The following PLEKHM1 variants were observed in gnomAD, a reference collection of about 807,000 sequenced individuals.
The protein encoded by PLEKHM1 is pleckstrin homology domain-containing family M member 1.
In PLEKHM1, 28 loss-of-function variants were observed where a neutral mutation model predicts 94.3. The observed-to-expected ratio is 0.30, with a 90% CI of 0.22 to 0.41. PLEKHM1 has a LOEUF of 0.41. Ranked by LOEUF, PLEKHM1 falls within the 10% of genes least tolerant of loss-of-function variation. The probability of loss-of-function intolerance (pLI) is 1.00; values close to 1 mark genes in which losing one functional copy is unlikely to be tolerated. For missense variants in PLEKHM1, 907 were observed against 1,358.6 expected (o/e 0.67, Z 5.22); for synonymous variants, 424 against 581.2 (o/e 0.73, Z 3.89).
chr17:45,475,273 G>T lies in PLEKHM1; in HGVS notation c.750C>A (p.Ser250=). The T allele has an allele frequency of 1.2e-6, 2 of 1,614,044 alleles. No homozygotes were observed. The highest frequency in any genetic ancestry group is 4.5e-5 in the East Asian group (2 of 44,886). ...KIRRNQKLTA[S]SLSLDTASSS... ...AACTGGCCGTGTCCAGGCTGAGGGA[G>T]GAGGCAGTCAGCTTCTGGTTCCTCC... Residue 250 remains serine (S), a synonymous_variant, in exon 4 of 12, where the codon TCC becomes TCA. Transcript: ENST00000430334.
chr17:45,478,259 T>G, intron 2 of PLEKHM1, 112 bp from the exon 3 acceptor site: 1 of 1,223,792 alleles, frequency 8.2e-7, no homozygotes, highest in Non-Finnish European at 1.2e-6. Context: ...TGCACACACA[T>G]CTATGTGTGT....
rs781667364 is a variant in PLEKHM1 at position 45,475,531 on chromosome 17, G to A, written c.492C>T (p.Leu164=). The change falls in exon 4 of 12, where the codon CTC becomes CTT. Residue 164 remains leucine, a synonymous_variant. Coordinates refer to ENST00000430334, the MANE Select transcript of PLEKHM1 (RefSeq NM_014798.3). ...LLRDAEEGEF[L]LSFLQGLTSL... ...ACGTGAGGCCCTGCAGGAAGCTAAG[G>A]AGGAACTCGCCCTCCTCAGCATCCC... 5 of 1,611,672 alleles carry A rather than the reference G, an allele frequency of 3.1e-6. No homozygotes were observed. The highest frequency in any genetic ancestry group is 3.3e-5 in the Admixed American group (2 of 59,974).
In PLEKHM1 at chr17:45,444,427, C is replaced by T. The variant is rs2050538180; in HGVS notation, c.2837+1043G>A. ...CCTGTTGAAGCCCAGCATCACATCC[C>T]ATTCCTGAGCACCAAAGGCCCCAGG... On this transcript the variant is annotated intron_variant, in intron 9 of 11. Transcript: ENST00000430334. This position sits in a 1 kb window ranked among gnomAD's most constrained non-coding sequence, Gnocchi z 5.0. Among the ~76,000 whole-genome samples, 1 of 152,190 alleles carries T rather than the reference C, an allele frequency of 6.6e-6. No individual in the cohort carries two copies. Among genetic ancestry groups the T allele is most frequent in the African/African-American group, 2.4e-5 (1 of 41,436 alleles).
At position 45,477,971 on chromosome 17, in the gene PLEKHM1, C is replaced by T. The variant is rs761329959; in HGVS notation, c.225G>A (p.Arg75=). The part of the protein sequence containing the change: ...KHIRAEAGGK[R]KKSAHQKPLP... The stretch of plus-strand genomic sequence containing the variant: ...GAGGCTTCTGGTGGGCACTTTTCTT[C>T]CTTTTTCCTCCGGCCTCAGCTCGGA... Residue 75 remains arginine, a synonymous_variant, in exon 3 of 12, where the codon AGG becomes AGA. Coordinates refer to ENST00000430334, the MANE Select transcript of PLEKHM1 (RefSeq NM_014798.3). 17 of 1,613,858 alleles carry T rather than the reference C, an allele frequency of 1.1e-5. No individual in the cohort carries two copies. The highest frequency in any genetic ancestry group is 1.3e-5 in the African/African-American group (1 of 74,944).
At chr17:45,474,184 G>A (rs1186988642) in intron 4 of PLEKHM1, among the ~76,000 whole-genome samples, 1 of 151,638 alleles carries the variant, frequency 6.6e-6, no homozygotes, top group African/African-American at 2.4e-5. Context: ...AGCCGCCCAT[G>A]TAGCTGGGAC....
Position 45,490,678 on chromosome 17 carries a change from G to C in PLEKHM1, c.-68C>G, listed in dbSNP as rs577710613. 4,647 of 450,598 alleles carry C rather than the reference G, an allele frequency of 0.01. 34 individuals are homozygous for C. Among genetic ancestry groups the C allele is most frequent in the Non-Finnish European group, 0.014 (3,197 of 224,584 alleles). 27.9% of individuals were successfully genotyped at this position (450,598 alleles called of 1,614,324 possible). A position where few individuals can be genotyped will look rare whatever the true frequency, so the allele number is the denominator to read the frequency against. On this transcript the variant is annotated 5_prime_UTR_variant, in exon 1 of 12. Transcript: ENST00000430334. ...AAGCGGAGCGAGGAGCGAGGCGAGG[G>C]GCGCTCCCGGCCGCGGCAGCCCCTC...
At position 45,435,996 on chromosome 17, in the gene PLEKHM1, C is replaced by CT. The variant is rs1399730000; in HGVS notation, c.*1861dup. The CT allele has an allele frequency of 2.2e-6, 1 of 456,688 alleles. No individual in the cohort carries two copies. The highest frequency in any genetic ancestry group is 2.3e-5 in the Admixed American group (1 of 42,588). 28.3% of individuals were successfully genotyped at this position (456,688 alleles called of 1,614,324 possible). On this transcript the variant is annotated 3_prime_UTR_variant, in exon 12 of 12. Transcript: ENST00000430334. ...GCAAAGACTCCTCAGGGCCAGAGCCCTGCTCACTAGGAACAGTGTATTGCA... is the reference window on the plus strand; with the variant it reads ...GCAAAGACTCCTCAGGGCCAGAGCCCTTGCTCACTAGGAACAGTGTATTGCA...
Position 45,436,080 on chromosome 17 carries a change from A to G in PLEKHM1, c.*1778T>C, listed in dbSNP as rs1466715067. The G allele has an allele frequency of 2.2e-6, 1 of 456,478 alleles. No individual in the cohort carries two copies. Among genetic ancestry groups the G allele is most frequent in the East Asian group, 6.9e-5 (1 of 14,408 alleles). The allele number at this position is 456,478 out of a possible 1,614,324, so 28.3% of individuals were successfully genotyped here. On this transcript the variant is annotated 3_prime_UTR_variant, in exon 12 of 12. Coordinates refer to ENST00000430334, the MANE Select transcript of PLEKHM1 (RefSeq NM_014798.3). Reference sequence around the variant, plus strand: ...CCTTTCTGAGGGAGGGGAGGCGGGAAGAGTCAATGCATCTGAAAGCACTGG... The same window carrying G: ...CCTTTCTGAGGGAGGGGAGGCGGGAGGAGTCAATGCATCTGAAAGCACTGG...
rs765056104 is a variant in PLEKHM1 at position 45,453,771 on chromosome 17, A to G, written c.2081T>C (p.Met694Thr). Residue 694 changes from methionine to threonine, a missense_variant, in exon 7 of 12, where the codon ATG (methionine) becomes ACG (threonine). This residue lies in a region of PLEKHM1 where 477 missense variants were observed against 601.5 expected (regional missense o/e 0.79). Coordinates refer to ENST00000430334, the MANE Select transcript of PLEKHM1 (RefSeq NM_014798.3). The surrounding 1 kb of genome is among the most constrained non-coding windows in gnomAD (Gnocchi z 4.1). ...TATATAGGGCATCCAGGTCCTGTCC[A>G]TGTACAAGTACAGCAGGGACTCCTT... ...AIKESLLYLY[M>T]DRTWMPYIFS... is the part of the protein sequence containing the mutation. The G allele has an allele frequency of 4.3e-6, 7 of 1,613,854 alleles. No individual in the cohort carries two copies. The South Asian group carries it at 5.5e-5, about 13-fold the overall frequency.
Position 45,485,612 on chromosome 17 carries a change from A to T in PLEKHM1, c.-41-3087T>A, listed in dbSNP as rs575467331. ...AAGTAACAGTATGCTAAGAAGACAA[A>T]ATAGGCCAGGTGCCGTGGCCCACAC... On this transcript the variant is annotated intron_variant, in intron 1 of 11. Transcript: ENST00000430334. Among the ~76,000 whole-genome samples the T allele has an allele frequency of 3.8e-4, 58 of 152,266 alleles. No individual in the cohort carries two copies. The East Asian group carries it at 0.01, about 27-fold the overall frequency.
At chr17:45,464,638 G>A (rs1473773921) in intron 5 of PLEKHM1, among the ~76,000 whole-genome samples, 1 of 152,028 alleles carries the variant, frequency 6.6e-6, no homozygotes, top group Non-Finnish European at 1.5e-5. Context: ...ACAGACACAG[G>A]ACGGGGGCAG....
Position 45,453,112 on chromosome 17 carries a change from T to A in PLEKHM1, c.2497+243A>T. The A allele has an allele frequency of 1.6e-6, 1 of 609,856 alleles. No individual in the cohort carries two copies. Among genetic ancestry groups the A allele is most frequent in the Non-Finnish European group, 2.9e-6 (1 of 343,102 alleles). The allele number at this position is 609,856 out of a possible 1,614,324, so 37.8% of individuals were successfully genotyped here. On this transcript the variant is annotated intron_variant, in intron 7 of 11. Coordinates refer to ENST00000430334, the MANE Select transcript of PLEKHM1 (RefSeq NM_014798.3). This position sits in a 1 kb window ranked among gnomAD's most constrained non-coding sequence, Gnocchi z 4.1. The stretch of plus-strand genomic sequence containing the variant: ...CAGTGAGTAGCCAGCCTGCCGCCCA[T>A]CAGTGGGAGGTGGCAGGAGAGGGAC...
intron 8 of PLEKHM1, chr17:45,446,159 C>T (rs2050599848): frequency 1.8e-5 from 4 of 222,610 alleles, no homozygotes; most frequent in Non-Finnish European, 2.7e-5. Context: ...CCTCGGCTCA[C>T]ACCAGTAGCA....
intron 6 of PLEKHM1, among the ~76,000 whole-genome samples, chr17:45,457,418 G>C (rs997613953): frequency 6.6e-6 from 1 of 152,050 alleles, no homozygotes; most frequent in Non-Finnish European, 1.5e-5. Context: ...AAATGAGCCA[G>C]GCATGGTGGC....
chr17:45,458,269 C>G lies in PLEKHM1; in HGVS notation c.1479G>C (p.Ala493=), dbSNP rs371968983. 151 of 1,610,738 alleles carry G rather than the reference C, an allele frequency of 9.4e-5. No individual in the cohort carries two copies. The highest frequency in any genetic ancestry group is 8.8e-5 in the Non-Finnish European group (104 of 1,178,418). ...GGGAAGGTACACACGCTTGGTCTAA[C>G]GCCCCCAGGGAGCAGTTTTTTCTTG... is the stretch of plus-strand genomic sequence containing the variant. ...QEPRKNCSLG[A]LDQACVPSPG... is the part of the protein sequence containing the mutation. The change falls in exon 6 of 12, where the codon GCG becomes GCC. Residue 493 remains alanine, a synonymous_variant. Coordinates refer to ENST00000430334, the MANE Select transcript of PLEKHM1 (RefSeq NM_014798.3).
chr17:45,439,464 G>C lies in PLEKHM1; in HGVS notation c.3059+13C>G. On this transcript the variant is annotated intron_variant, in intron 11 of 11. Transcript: ENST00000430334. ...GTGGGGCTGGAAGGCGGCTGGCTGG[G>C]TGTCCCGCATACCTGACTGTGGTGT... The C allele has an allele frequency of 6.2e-7, 1 of 1,614,078 alleles. No individual in the cohort carries two copies. The highest frequency in any genetic ancestry group is 8.5e-7 in the Non-Finnish European group (1 of 1,179,982).
chr17:45,452,766 C>T (rs963583901), intron 7 of PLEKHM1: 3 of 166,338 alleles, frequency 1.8e-5, no homozygotes, highest in Non-Finnish European at 4.0e-5. Context: ...AGCCAAGAGC[C>T]CCGTGTGTCC....
At chr17:45,487,405 C>G in intron 1 of PLEKHM1, among the ~76,000 whole-genome samples, 1 of 152,178 alleles carries the variant, frequency 6.6e-6, no homozygotes, top group Admixed American at 6.5e-5. Context: ...GACCAAAAGG[C>G]CTCAGGTCTT....
downstream of PLEKHM1, chr17:45,435,774 G>A (rs530029782): frequency 6.1e-5 from 22 of 361,316 alleles, no homozygotes; most frequent in Non-Finnish European, 1.0e-4. Context: ...TGTTTGCCAC[G>A]GACCTCCCAA....
Sources: gnomAD v4.1 joint callset for allele counts (sites outside exome capture counted in the v4.1 genomes callset) on GRCh38, gnomAD v4.1.1 for gene constraint, gnomAD v4.1.1 regional missense constraint, Gnocchi (gnomAD v3.1) non-coding constraint, MANE v1.5 for transcripts, NCBI Gene and HGNC (gene_info 2026-07-23, HGNC 2026-07-21) for gene names.